Variants in ECM2 observed in about 807,000 individuals in gnomAD.
ECM2 encodes extracellular matrix protein 2, female organ and adipocyte specific.
In ECM2, 57 loss-of-function variants were observed where a neutral mutation model predicts 67.5. The observed-to-expected ratio is 0.84, with a 90% CI of 0.68 to 1.05. The LOEUF is 1.05. ECM2 is among the 50% of genes least tolerant of loss of function. ECM2 has a pLI of 0.00. For missense variants in ECM2, 741 were observed against 822.8 expected (o/e 0.90, Z 1.22); for synonymous variants, 258 against 294.5 (o/e 0.88, Z 1.27).
At chr9:92,548,101 A>G in the ECM2 span, among the ~76,000 whole-genome samples, 2 of 152,220 alleles carry the variant, frequency 1.3e-5, no homozygotes, top group Non-Finnish European at 1.5e-5. Context: ...ATATATAAAA[A>G]TAAATAGTGG....
chr9:92,555,214 ATTTTTTTTTTTTTT>A, the ECM2 span, among the ~76,000 whole-genome samples: 16 of 63,464 alleles, frequency 2.5e-4, no homozygotes, highest in African/African-American at 5.8e-4. Flanking sequence ...TTTTTTGGAA[ATTTTTTTTTTTTTT>A]TTTTTTTTTT....
At chr9:92,509,622 G>A (rs1363446894) in intron 6 of ECM2, among the ~76,000 whole-genome samples, 1 of 152,156 alleles carries the variant, frequency 6.6e-6, no homozygotes, top group Non-Finnish European at 1.5e-5. Flanking sequence ...AGATATTTTG[G>A]ATTTGTAGTA....
upstream of ECM2, among the ~76,000 whole-genome samples, chr9:92,537,886 A>T (rs983273993): frequency 6.6e-6 from 1 of 152,182 alleles, no homozygotes; most frequent in African/African-American, 2.4e-5. Flanking sequence ...TACCCAAATA[A>T]TGCCAATGCT....
chr9:92,544,626 A>G, the ECM2 span, among the ~76,000 whole-genome samples: 2 of 152,154 alleles, frequency 1.3e-5, no homozygotes, highest in East Asian at 3.8e-4. Flanking sequence ...CAAAACTAGT[A>G]AAAGCTGTGG....
rs562112795 is a variant in ECM2, at chr9:92,522,606, A to C, written c.261T>G (p.Pro87=). The C allele has an allele frequency of 6.2e-7, 1 of 1,613,580 alleles. No homozygotes were observed. The highest frequency in any genetic ancestry group is 2.2e-5 in the East Asian group (1 of 44,832). Residue 87 remains proline (P), a synonymous_variant, in exon 2 of 10, where the codon CCT becomes CCG. Coordinates refer to ENST00000344604, the MANE Select transcript of ECM2 (RefSeq NM_001393.4). ...EEKFESFSSF[P]GVESSYNVLP... ...ACACATTATAACTTGATTCTACTCC[A>C]GGAAAACTTGAAAAGGATTCAAACT...
chr9:92,537,279 T>A (rs1020126250), upstream of ECM2, among the ~76,000 whole-genome samples: 1 of 152,160 alleles, frequency 6.6e-6, no homozygotes, highest in East Asian at 1.9e-4. Context: ...TTTTGTAAAA[T>A]GACCTAGATA....
At chr9:92,544,778 C>T in the ECM2 span, among the ~76,000 whole-genome samples, 6 of 147,010 alleles carry the variant, frequency 4.1e-5, no homozygotes, top group South Asian at 2.2e-4. Context: ...TGCAGTGGCG[C>T]GATCTCAGCT....
At chr9:92,532,759 G>T (rs1848876821) in intron 1 of ECM2, among the ~76,000 whole-genome samples, 1 of 151,718 alleles carries the variant, frequency 6.6e-6, no homozygotes, top group African/African-American at 2.4e-5. Context: ...AAAAATATTT[G>T]TTTTAAAGTC....
chr9:92,529,317 G>C (rs964320989), intron 1 of ECM2, among the ~76,000 whole-genome samples: 1 of 152,226 alleles, frequency 6.6e-6, no homozygotes, highest in Non-Finnish European at 1.5e-5. Context: ...CAGTGCTGGT[G>C]AGTGTGTGGA....
Position 92,501,292 on chromosome 9 carries a change from A to C in ECM2, c.1605-239T>G, listed in dbSNP as rs1391611591. On this transcript the variant is annotated intron_variant, in intron 8 of 9. Coordinates refer to ENST00000344604, the MANE Select transcript of ECM2 (RefSeq NM_001393.4). ...CTATGTGAGTCCATGCGAGAGGAGCATCAAAGACTAGGAGGGAAAAACTCA... is the reference window on the plus strand; with the variant it reads ...CTATGTGAGTCCATGCGAGAGGAGCCTCAAAGACTAGGAGGGAAAAACTCA... 3.9e-5 allele frequency among the ~76,000 whole-genome samples: 6 copies of C among 152,182 alleles called. No individual in the cohort carries two copies. In the South Asian group the frequency reaches 1.0e-3, roughly 26 times the overall value.
At chr9:92,530,489 CAAT>C (rs1848679406) in intron 1 of ECM2, among the ~76,000 whole-genome samples, 1 of 152,050 alleles carries the variant, frequency 6.6e-6, no homozygotes, top group South Asian at 2.1e-4. Flanking sequence ...GACAGAATAT[CAAT>C]AAGGATTTTA....
Position 92,533,303 on chromosome 9 carries a change from CAAAAAAAAA to C in ECM2, c.-28+2621_-28+2629del, listed in dbSNP as rs1174584000. On this transcript the variant is annotated intron_variant, in intron 1 of 9. Transcript: ENST00000344604. Reference sequence around the variant, plus strand: ...CGATAGAGTGAGACTCGGTCTCAAACAAAAAAAAAAAAAAAAAAAAAAAAAATATATATA... The same window carrying C: ...CGATAGAGTGAGACTCGGTCTCAAACAAAAAAAAAAAAAAAAATATATATA... Among the ~76,000 whole-genome samples, 90 of 29,876 alleles carry C rather than the reference CAAAAAAAAA, an allele frequency of 3.0e-3. 1 individual carries two copies. The highest frequency in any genetic ancestry group is 0.011 in the African/African-American group (81 of 7,316). The allele number at this position is 29,876 out of a possible 152,430, so 19.6% of individuals were successfully genotyped here. A position where few individuals can be genotyped will look rare whatever the true frequency, so the allele number is the denominator to read the frequency against.
At chr9:92,502,364 G>A (rs1458668131) in intron 8 of ECM2, 149 bp downstream of exon 8, 1 of 959,032 alleles carries the variant, frequency 1.0e-6, no homozygotes, top group Non-Finnish European at 1.6e-6. Context: ...TGGGGATAGG[G>A]TAAGGGTTCA....
chr9:92,509,721 A>G (rs1847221561), intron 6 of ECM2, among the ~76,000 whole-genome samples, 178 bp downstream of exon 6: 1 of 152,232 alleles, frequency 6.6e-6, no homozygotes, highest in Non-Finnish European at 1.5e-5. Context: ...AGGCAGTTTA[A>G]AATTCATTTT....
At chr9:92,554,576 A>G in the ECM2 span, among the ~76,000 whole-genome samples, 2 of 152,148 alleles carry the variant, frequency 1.3e-5, no homozygotes, top group Non-Finnish European at 2.9e-5. Context: ...CCACTTGATC[A>G]TGGTGGATTA....
In ECM2 at chr9:92,500,847, T is replaced by A. The variant is rs201745324; in HGVS notation, c.1811A>T (p.Tyr604Phe). ...ADDGMDRVSFYGAYHSLRELF... is the reference protein window; with the variant it reads ...ADDGMDRVSFFGAYHSLRELF... ...TTCTCTCAGAGAATGATATGCCCCA[T>A]AGAAGGAGACACGGTCCATGCCATC... The change falls in exon 9 of 10, where the codon TAT (tyrosine) becomes TTT (phenylalanine). Residue 604 changes from tyrosine (Y) to phenylalanine (F), a missense_variant. Transcript: ENST00000344604. 2.3e-5 allele frequency: 37 copies of A among 1,614,054 alleles called. No individual in the cohort carries two copies. The highest frequency in any genetic ancestry group is 2.8e-5 in the Non-Finnish European group (33 of 1,180,042).
At chr9:92,515,935 G>C (rs1847676266) in intron 3 of ECM2, among the ~76,000 whole-genome samples, 1 of 152,180 alleles carries the variant, frequency 6.6e-6, no homozygotes, top group Admixed American at 6.5e-5. Context: ...GATGATAGTA[G>C]ACAGTTAATC....
intron 1 of ECM2, among the ~76,000 whole-genome samples, chr9:92,523,657 C>T (rs533625191): frequency 3.3e-5 from 5 of 152,168 alleles, no homozygotes; most frequent in Admixed American, 6.5e-5. Flanking sequence ...ATAGCAGTAG[C>T]GGTTTAAATG....
In ECM2 at chr9:92,525,856, G is replaced by A. The variant is rs566120735; in HGVS notation, c.-27-2963C>T. Among the ~76,000 whole-genome samples, 274 of 134,440 alleles carry A rather than the reference G, an allele frequency of 2.0e-3. 1 individual carries two copies. The highest frequency in any genetic ancestry group is 3.1e-3 in the Non-Finnish European group (203 of 65,968). The allele number at this position is 134,440 out of a possible 152,430, so 88.2% of individuals were successfully genotyped here. On this transcript the variant is annotated intron_variant, in intron 1 of 9. Transcript: ENST00000344604. Reference sequence around the variant, plus strand: ...ACTGAGTAGCTAGGACTACAGGTATGCACCACCATGCCCAGAGTGCAGAGA... The same window carrying A: ...ACTGAGTAGCTAGGACTACAGGTATACACCACCATGCCCAGAGTGCAGAGA...
Sources: gnomAD v4.1 joint callset for allele counts (sites outside exome capture counted in the v4.1 genomes callset) on GRCh38, gnomAD v4.1.1 for gene constraint, MANE v1.5 for transcripts, NCBI Gene and HGNC (gene_info 2026-07-23, HGNC 2026-07-21) for gene names.